The following DMXL1 variants were observed in gnomAD, a reference collection of about 807,000 sequenced individuals.
DMXL1 encodes the protein Dmx like 1.
Under a neutral mutation model 319.2 loss-of-function variants are expected in DMXL1, and 99 were observed. The ratio of observed to expected loss-of-function variants is 0.31; its 90% CI spans 0.26 to 0.37. The LOEUF (loss-of-function observed/expected upper bound fraction) is 0.37. Among genes scored for constraint, DMXL1 ranks in the 10% least tolerant of loss-of-function variants. DMXL1 has a pLI of 1.00. For missense variants in DMXL1, 3,745 were observed against 3,595.6 expected (o/e 1.04, Z -1.06); for synonymous variants, 1,385 against 1,235.2 (o/e 1.12, Z -2.54).
chr5:119,150,447 C>T, intron 18 of DMXL1, 26 bp downstream of exon 18: 1 of 1,550,928 alleles, frequency 6.4e-7, no homozygotes, highest in African/African-American at 1.4e-5. Context: ...GTACTGATAA[C>T]ATTTTTACTT....
At chr5:119,183,213 A>T (rs185947187) in intron 28 of DMXL1, among the ~76,000 whole-genome samples, 2 of 152,328 alleles carry the variant, frequency 1.3e-5, no homozygotes, top group East Asian at 3.9e-4. Context: ...GCTTTTTCTT[A>T]TAAAACTTGT....
At chr5:119,204,024 G>C (rs1044088292) in intron 33 of DMXL1, among the ~76,000 whole-genome samples, 2 of 151,826 alleles carry the variant, frequency 1.3e-5, no homozygotes, top group Admixed American at 6.6e-5. Context: ...GGGTTTCACT[G>C]TGTTAGCCAG....
At position 119,177,442 on chromosome 5, in the gene DMXL1, G is replaced by A. The variant is rs1309742559; in HGVS notation, c.6844G>A (p.Asp2282Asn). ...HRPSLKTGSL[D>N]EALTPNTSPA... ...ACCTTCTTTGAAAACAGGAAGCTTA[G>A]ATGAAGCATTAACTCCCAATACGTC... Residue 2282 changes from aspartate to asparagine, a missense_variant, in exon 27 of 44, where the codon GAT becomes AAT. By Grantham distance (23) the Asp-to-Asn change is conservative (BLOSUM62 1). This residue lies in a region of DMXL1 where 1,382 missense variants were observed against 1,269.5 expected (regional missense o/e 1.09). Coordinates refer to ENST00000539542, the MANE Select transcript of DMXL1 (RefSeq NM_001290321.3). 2 of 1,609,616 alleles carry A rather than the reference G, an allele frequency of 1.2e-6. No homozygotes were observed. Among genetic ancestry groups the A allele is most frequent in the African/African-American group, 2.7e-5 (2 of 74,832 alleles).
At position 119,179,052 on chromosome 5, in the gene DMXL1, C is replaced by T. The variant is rs182435491; in HGVS notation, c.7135+808C>T. ...CTTTATGATTTGCATATTATGATTCCGGCCATTGGAGTTTTTGGATTTCTA... is the reference window on the plus strand; with the variant it reads ...CTTTATGATTTGCATATTATGATTCTGGCCATTGGAGTTTTTGGATTTCTA... On this transcript the variant is annotated intron_variant, in intron 28 of 43. Coordinates refer to ENST00000539542, the MANE Select transcript of DMXL1 (RefSeq NM_001290321.3). Among the ~76,000 whole-genome samples the T allele has an allele frequency of 7.2e-5, 11 of 152,036 alleles. No homozygotes were observed. The East Asian group carries it at 1.5e-3, about 21-fold the overall frequency.
intron 37 of DMXL1, among the ~76,000 whole-genome samples, chr5:119,221,306 A>G (rs945726081): frequency 3.3e-5 from 5 of 152,200 alleles, no homozygotes; most frequent in South Asian, 2.1e-4. Flanking sequence ...CCAAAGAGCT[A>G]TATTTTAATT....
At chr5:119,164,434 G>T (rs1457834485) in intron 19 of DMXL1, 73 bp from the exon 20 acceptor site, 1 of 1,313,992 alleles carries the variant, frequency 7.6e-7, no homozygotes, top group African/African-American at 1.5e-5. Context: ...TTGAAAATAT[G>T]GAACATACAT....
chr5:119,243,555 T>C (rs1480903782), intron 42 of DMXL1, among the ~76,000 whole-genome samples: 1 of 152,142 alleles, frequency 6.6e-6, no homozygotes, highest in East Asian at 1.9e-4. Flanking sequence ...AAAAATAGTA[T>C]CATATTTTTA....
chr5:119,095,228 G>A (rs1473449554), intron 1 of DMXL1, among the ~76,000 whole-genome samples: 1 of 152,060 alleles, frequency 6.6e-6, no homozygotes, highest in Non-Finnish European at 1.5e-5. Context: ...TAGTACCATC[G>A]CTGAGAAAAA....
In DMXL1 at chr5:119,193,837, C is replaced by T. The variant is rs1779125207; in HGVS notation, c.7324C>T (p.Pro2442Ser). ...WDYFIAKPFL[P>S]SSQSRAEYDS... ...GATTTCTTTATTTTAGCCTTTTCTA[C>T]CCTCTTCTCAAAGTAGAGCCGAATA... The change falls in exon 30 of 44, where the codon CCC becomes TCC. Residue 2442 changes from proline to serine, a missense_variant. By Grantham distance (74) the Pro-to-Ser change is moderately conservative. Transcript: ENST00000539542. The T allele has an allele frequency of 1.9e-6, 3 of 1,612,010 alleles. No homozygotes were observed. The highest frequency in any genetic ancestry group is 1.3e-5 in the African/African-American group (1 of 74,892).
Position 119,098,052 on chromosome 5 carries a change from A to G in DMXL1, c.161A>G (p.Lys54Arg). 3 of 1,609,364 alleles carry G rather than the reference A, an allele frequency of 1.9e-6. No homozygotes were observed. The highest frequency in any genetic ancestry group is 2.5e-6 in the Non-Finnish European group (3 of 1,178,894). Residue 54 changes from lysine to arginine, a missense_variant, in exon 2 of 44, where the codon AAA becomes AGA. Physicochemically the swap from Lys to Arg is conservative, Grantham distance 26 (BLOSUM62 2). This residue lies in a region of DMXL1 where 2,096 missense variants were observed against 1,985.4 expected (regional missense o/e 1.06). Coordinates refer to ENST00000539542, the MANE Select transcript of DMXL1 (RefSeq NM_001290321.3). ...AGATTACAGATAATCCCAGGAGCTAAACATGGAAATATTCAAGTGGGATGT... is the reference window on the plus strand; with the variant it reads ...AGATTACAGATAATCCCAGGAGCTAGACATGGAAATATTCAAGTGGGATGT... ...FERLQIIPGA[K>R]HGNIQVGCVD...
At chr5:119,081,294 G>A (rs1266979173) in intron 1 of DMXL1, among the ~76,000 whole-genome samples, 5 of 152,130 alleles carry the variant, frequency 3.3e-5, no homozygotes, top group African/African-American at 1.2e-4. Context: ...CTTCTTGGAA[G>A]GCCTTAGGGT....
At chr5:119,198,685 A>C (rs890817667) in intron 32 of DMXL1, among the ~76,000 whole-genome samples, 1 of 152,230 alleles carries the variant, frequency 6.6e-6, no homozygotes, top group South Asian at 2.1e-4. Context: ...AGCAATCCTC[A>C]GCAAAAAGAA....
chr5:119,148,315 C>T (rs565448100), intron 17 of DMXL1, among the ~76,000 whole-genome samples: 5 of 151,988 alleles, frequency 3.3e-5, no homozygotes, highest in Non-Finnish European at 5.9e-5. Flanking sequence ...TGCATTGATA[C>T]CTTTAAAATT....
chr5:119,101,898 A>C (rs777555414), intron 2 of DMXL1, 37 bp from the exon 3 acceptor site: 1 of 1,375,472 alleles, frequency 7.3e-7, no homozygotes, highest in Non-Finnish European at 1.0e-6. Context: ...AAGTAAGTTA[A>C]CATATCCCTA....
chr5:119,099,136 C>A lies in DMXL1; in HGVS notation c.213+1032C>A, dbSNP rs574688511. The stretch of plus-strand genomic sequence containing the variant: ...CCTCTTATGACTTCTCGCTGTACAA[C>A]AAAAATGATCTTTATTATGGAATGC... On this transcript the variant is annotated intron_variant, in intron 2 of 43. Coordinates refer to ENST00000539542, the MANE Select transcript of DMXL1 (RefSeq NM_001290321.3). 2.0e-5 allele frequency among the ~76,000 whole-genome samples: 3 copies of A among 151,668 alleles called. No individual in the cohort carries two copies. In the South Asian group the frequency reaches 6.3e-4, roughly 32 times the overall value.
chr5:119,097,669 A>G (rs993914889), intron 1 of DMXL1, among the ~76,000 whole-genome samples: 2 of 152,208 alleles, frequency 1.3e-5, no homozygotes, highest in Admixed American at 1.3e-4. Flanking sequence ...GTGAGCCGAG[A>G]TTGCGCCACT....
intron 4 of DMXL1, among the ~76,000 whole-genome samples, chr5:119,109,169 T>C (rs1218539783): frequency 1.3e-5 from 2 of 152,368 alleles, no homozygotes; most frequent in Non-Finnish European, 2.9e-5. Context: ...CACACACTTA[T>C]GGTTTCCCTG....
At chr5:119,165,310 C>G in intron 21 of DMXL1, 30 bp downstream of exon 21, 2 of 1,072,256 alleles carry the variant, frequency 1.9e-6, no homozygotes, top group Admixed American at 2.2e-5. Context: ...AAAAAGGGTG[C>G]TTCAATGTGA....
chr5:119,217,660 A>C, intron 35 of DMXL1, among the ~76,000 whole-genome samples: 1 of 152,200 alleles, frequency 6.6e-6, no homozygotes, highest in East Asian at 1.9e-4. Flanking sequence ...AAGATACCTA[A>C]AGGAGATATT....
Sources: allele counts gnomAD v4.1 joint callset (sites outside exome capture counted in the v4.1 genomes callset), GRCh38; gene constraint gnomAD v4.1.1; regional missense constraint gnomAD v4.1.1; transcripts MANE v1.5; gene names NCBI Gene and HGNC (gene_info 2026-07-23, HGNC 2026-07-21).